The following KIAA0232 variants were observed in gnomAD, a reference collection of about 807,000 sequenced individuals.
KIAA0232 encodes uncharacterized protein KIAA0232.
In KIAA0232, 27 loss-of-function variants were observed where a neutral mutation model predicts 122.0. The observed-to-expected ratio is 0.22, with a 90% CI of 0.16 to 0.31. The LOEUF (loss-of-function observed/expected upper bound fraction) is 0.31. Among genes scored for constraint, KIAA0232 ranks in the 10% least tolerant of loss-of-function variants. The pLI, the probability that KIAA0232 is intolerant of heterozygous loss-of-function variation, is 1.00. For synonymous variants in KIAA0232, 613 were observed against 587.6 expected (o/e 1.04, Z -0.63); for missense variants, 1,551 against 1,634.2 (o/e 0.95, Z 0.88).
At chr4:6,875,944 G>A (rs1721727188) in intron 8 of KIAA0232, among the ~76,000 whole-genome samples, 1 of 152,174 alleles carries the variant, frequency 6.6e-6, no homozygotes, top group Non-Finnish European at 1.5e-5. Context: ...CCCTGCCCAG[G>A]ACAGTTCATT....
chr4:6,863,693 C>G lies in KIAA0232; in HGVS notation c.3311C>G (p.Pro1104Arg). 6.2e-7 allele frequency: 1 copy of G among 1,614,194 alleles called. No homozygotes were observed. Among genetic ancestry groups the G allele is most frequent in the Non-Finnish European group, 8.5e-7 (1 of 1,180,030 alleles). Residue 1104 changes from proline (P) to arginine (R), a missense_variant, in exon 7 of 10, where the codon CCT (proline) becomes CGT (arginine). This residue lies in a region of KIAA0232 where 1,108 missense variants were observed against 1,154.8 expected (regional missense o/e 0.96). Coordinates refer to ENST00000307659, the MANE Select transcript of KIAA0232 (RefSeq NM_014743.3). The stretch of plus-strand genomic sequence containing the variant: ...CAATACAGGGCTATTCGGATCTCTC[C>G]TCGGACTCACTTTCGCCCAATTTCT... ...RTQYRAIRIS[P>R]RTHFRPISAS...
At chr4:6,857,359 A>G (rs1293192663) in intron 5 of KIAA0232, 129 bp downstream of exon 5, 1 of 672,850 alleles carries the variant, frequency 1.5e-6, no homozygotes, top group Non-Finnish European at 2.3e-6. Flanking sequence ...AGTGTGTGTC[A>G]CTAGGCCAGC....
At chr4:6,824,916 T>C (rs144962992) in intron 3 of KIAA0232, among the ~76,000 whole-genome samples, 4 of 152,320 alleles carry the variant, frequency 2.6e-5, no homozygotes, top group African/African-American at 9.6e-5. Context: ...TCACTGTTGG[T>C]TACGTTTTGG....
intron 7 of KIAA0232, among the ~76,000 whole-genome samples, chr4:6,867,112 T>G (rs1721226060): frequency 6.6e-6 from 1 of 152,228 alleles, no homozygotes; most frequent in Non-Finnish European, 1.5e-5. Context: ...CCTTTTTTTA[T>G]TTTCTGCACA....
At chr4:6,866,471 T>G (rs1233903938) in intron 7 of KIAA0232, among the ~76,000 whole-genome samples, 1 of 152,224 alleles carries the variant, frequency 6.6e-6, no homozygotes, top group Non-Finnish European at 1.5e-5. Context: ...CTGAGTGACC[T>G]GAAGGGACAG....
chr4:6,857,089 TAAAAC>T, intron 4 of KIAA0232, 70 bp from the exon 5 acceptor site: 1 of 1,087,598 alleles, frequency 9.2e-7, no homozygotes, highest in Non-Finnish European at 1.3e-6. Flanking sequence ...ACCTGTGTAT[TAAAAC>T]AAAAGTATAC....
intron 4 of KIAA0232, among the ~76,000 whole-genome samples, chr4:6,847,766 A>G (rs773810299): frequency 6.6e-5 from 10 of 151,922 alleles, no homozygotes; most frequent in African/African-American, 1.5e-4. Flanking sequence ...TTAGGTGATT[A>G]TTATCCTAAG....
chr4:6,819,422 A>T (rs534842728), intron 2 of KIAA0232, among the ~76,000 whole-genome samples: 1 of 152,130 alleles, frequency 6.6e-6, no homozygotes, highest in Non-Finnish European at 1.5e-5. Flanking sequence ...GAAAAAAAAG[A>T]CCCCACTAAA....
At chr4:6,821,900 C>T (rs1007512646) in intron 2 of KIAA0232, among the ~76,000 whole-genome samples, 3 of 151,732 alleles carry the variant, frequency 2.0e-5, no homozygotes, top group Non-Finnish European at 4.4e-5. Context: ...TCTTTTAGTA[C>T]TTTAAAGTTT....
chr4:6,835,675 GT>G (rs1177509957), intron 3 of KIAA0232, among the ~76,000 whole-genome samples: 2 of 152,060 alleles, frequency 1.3e-5, no homozygotes, highest in African/African-American at 4.8e-5. Flanking sequence ...GTGTCCATGT[GT>G]TCTCATTGTT....
intron 9 of KIAA0232, among the ~76,000 whole-genome samples, chr4:6,879,423 G>C (rs1022249976): frequency 2.6e-5 from 4 of 152,178 alleles, no homozygotes; most frequent in Non-Finnish European, 4.4e-5. Flanking sequence ...TCACTTTGCT[G>C]TTGCATTTGA....
chr4:6,836,679 G>T (rs1437699995), intron 3 of KIAA0232, among the ~76,000 whole-genome samples: 4 of 151,812 alleles, frequency 2.6e-5, no homozygotes, highest in Admixed American at 2.6e-4. Context: ...GGTTTTCCTA[G>T]GCAGAGGGCC....
At chr4:6,837,178 C>A (rs541384287) in intron 3 of KIAA0232, among the ~76,000 whole-genome samples, 221 of 151,506 alleles carry the variant, frequency 1.5e-3, no homozygotes, top group African/African-American at 5.3e-3. Flanking sequence ...GGCGGAGGGG[C>A]TCCTCACTTC....
intron 5 of KIAA0232, among the ~76,000 whole-genome samples, chr4:6,857,562 A>G (rs1363092414): frequency 6.6e-6 from 1 of 152,136 alleles, no homozygotes; most frequent in East Asian, 1.9e-4. Flanking sequence ...ATCAGGAACA[A>G]TATTGTCTCT....
In KIAA0232 at chr4:6,862,499, T is replaced by C; in HGVS notation, c.2117T>C (p.Leu706Pro). The C allele has an allele frequency of 6.2e-7, 1 of 1,613,780 alleles. No homozygotes were observed. The highest frequency in any genetic ancestry group is 8.5e-7 in the Non-Finnish European group (1 of 1,179,902). ...GAAGAAAATGAACACTGTTCTAATC[T>C]TTCAACAAGAACTTGTAGTCCATGG... The part of the protein sequence containing the change: ...AFEENEHCSN[L>P]STRTCSPWSH... Residue 706 changes from leucine to proline, a missense_variant, in exon 7 of 10, where the codon CTT becomes CCT. Around this residue, in one of 5 missense-constraint regions of KIAA0232, gnomAD observed 1,108 missense variants for 1,154.8 expected, o/e 0.96. Transcript: ENST00000307659.
At chr4:6,866,884 A>T (rs1283288285) in intron 7 of KIAA0232, among the ~76,000 whole-genome samples, 1 of 152,186 alleles carries the variant, frequency 6.6e-6, no homozygotes, top group Non-Finnish European at 1.5e-5. Flanking sequence ...ACTTATTTTA[A>T]CTGAAATAGG....
rs182559998 is a variant in KIAA0232 at position 6,836,597 on chromosome 4, G to C, written c.232-5470G>C. Among the ~76,000 whole-genome samples the C allele has an allele frequency of 8.0e-3, 1,185 of 148,280 alleles. 6 individuals carry two copies. The highest frequency in any genetic ancestry group is 0.015 in the Non-Finnish European group (976 of 67,198). ...ATCATTCTTGGGTGTTTCTCGGAGA[G>C]GGGGATTTGGCAGGGTCGTAGGACA... On this transcript the variant is annotated intron_variant, in intron 3 of 9. Coordinates refer to ENST00000307659, the MANE Select transcript of KIAA0232 (RefSeq NM_014743.3).
At position 6,819,119 on chromosome 4, in the gene KIAA0232, A is replaced by G. The variant is rs568139920; in HGVS notation, c.-269-5066A>G. ...ACTTAAATGTAAGACCTCAAACTAT[A>G]AAAACCCTAGGAAAAAAACTTGGAA... On this transcript the variant is annotated intron_variant, in intron 2 of 9. Transcript: ENST00000307659. Among the ~76,000 whole-genome samples, 46 of 152,308 alleles carry G rather than the reference A, an allele frequency of 3.0e-4. 2 individuals are homozygous for G. In the South Asian group the frequency reaches 9.6e-3, roughly 32 times the overall value.
At chr4:6,790,915 C>CTTTTTTTTTTTTT (rs35766310) in intron 1 of KIAA0232, among the ~76,000 whole-genome samples, 1 of 92,938 alleles carries the variant, frequency 1.1e-5, no homozygotes, top group Non-Finnish European at 2.0e-5. Context: ...TTTTTATATA[C>CTTTTTTTTTTTTT]TTTTTTTTTT....
Sources: allele counts gnomAD v4.1 joint callset (sites outside exome capture counted in the v4.1 genomes callset), GRCh38; gene constraint gnomAD v4.1.1; regional missense constraint gnomAD v4.1.1; transcripts MANE v1.5; gene names NCBI Gene and HGNC (gene_info 2026-07-23, HGNC 2026-07-21).